Variants in NUP93 observed in about 807,000 individuals in gnomAD.
NUP93 encodes the protein nuclear pore complex protein Nup93.
NUP93 carries 55 observed loss-of-function variants against 107.8 expected under a neutral mutation model. That is an observed-to-expected ratio of 0.51 (90% CI 0.41 to 0.64). NUP93 has a LOEUF of 0.64. Among genes scored for constraint, NUP93 ranks in the 30% least tolerant of loss-of-function variants. The pLI is 0.00. For missense variants in NUP93, 937 were observed against 1,044.7 expected, an observed-to-expected ratio of 0.90 and a Z score of 1.42; for synonymous variants, 390 against 397.5, an observed-to-expected ratio of 0.98 and a Z score of 0.22.
At chr16:56,746,183 GA>G (rs1399430144) in intron 1 of NUP93, among the ~76,000 whole-genome samples, 1 of 152,148 alleles carries the variant, frequency 6.6e-6, no homozygotes, top group Non-Finnish European at 1.5e-5. Flanking sequence ...GGGTTCTGGA[GA>G]AGGGAATGCT....
At chr16:56,793,553 C>G (rs1962816272) in intron 3 of NUP93, among the ~76,000 whole-genome samples, 1 of 152,012 alleles carries the variant, frequency 6.6e-6, no homozygotes, top group East Asian at 1.9e-4. Context: ...GAGTACATCT[C>G]CTGGGTGAGG....
chr16:56,841,980 C>T, intron 21 of NUP93, 147 bp downstream of exon 21: 1 of 905,642 alleles, frequency 1.1e-6, no homozygotes, highest in Non-Finnish European at 1.6e-6. Flanking sequence ...AGGAGGCTCC[C>T]AGAGGAAATC....
intron 12 of NUP93, among the ~76,000 whole-genome samples, chr16:56,832,777 A>G (rs1297002927): frequency 5.9e-5 from 9 of 152,234 alleles, no homozygotes; most frequent in Admixed American, 3.3e-4. Flanking sequence ...AACTGAGAAG[A>G]AAAGAAGATT....
intron 5 of NUP93, among the ~76,000 whole-genome samples, chr16:56,815,881 C>CTGCTGG (rs1555495747): frequency 1.9e-5 from 2 of 103,896 alleles, no homozygotes; most frequent in African/African-American, 6.9e-5. Context: ...GCTGCTGCTG[C>CTGCTGG]TGCTGCTGCT....
intron 2 of NUP93, among the ~76,000 whole-genome samples, chr16:56,752,509 A>G (rs1961941456): frequency 6.6e-6 from 1 of 152,288 alleles, no homozygotes; most frequent in Middle Eastern, 3.4e-3. Context: ...TCATTTGTAT[A>G]AGAAAGCAGG....
At chr16:56,842,400 G>A (rs1964043137) in intron 21 of NUP93, among the ~76,000 whole-genome samples, 1 of 152,106 alleles carries the variant, frequency 6.6e-6, no homozygotes, top group Admixed American at 6.6e-5. Flanking sequence ...TGCCCTTTCT[G>A]CTGCCTGTGG....
rs1456482066 is a variant in NUP93, at chr16:56,836,661, G to A, written c.1843G>A (p.Val615Met). ...GCCTATTATCAACAAAGTTGCTTCT[G>A]TGGCAGAAAATAAAGGACTGTTTGA... is the stretch of plus-strand genomic sequence containing the variant. ...TKPIINKVAS[V>M]AENKGLFEEA... Residue 615 changes from valine (V) to methionine (M), a missense_variant, in exon 17 of 22, where the codon GTG (valine) becomes ATG (methionine). Transcript: ENST00000308159. 1 of 1,614,146 alleles carries A rather than the reference G, an allele frequency of 6.2e-7. No homozygotes were observed. The highest frequency in any genetic ancestry group is 2.2e-5 in the East Asian group (1 of 44,876).
At chr16:56,833,745 C>T (rs1306729028) in intron 13 of NUP93, among the ~76,000 whole-genome samples, 1 of 152,096 alleles carries the variant, frequency 6.6e-6, no homozygotes, top group Non-Finnish European at 1.5e-5. Context: ...TTGGAAACCC[C>T]AGCCAGGCAT....
chr16:56,734,681 A>G, intron 1 of NUP93, among the ~76,000 whole-genome samples: 1 of 152,226 alleles, frequency 6.6e-6, no homozygotes, highest in East Asian at 1.9e-4. Flanking sequence ...AGAGACAAAA[A>G]GTGGGTCTGA....
At chr16:56,840,354 C>T (rs1279184142) in intron 20 of NUP93, among the ~76,000 whole-genome samples, 5 of 152,156 alleles carry the variant, frequency 3.3e-5, no homozygotes, top group African/African-American at 1.2e-4. Context: ...GTGCAGTGAC[C>T]GCGGAGTAAG....
chr16:56,758,697 C>G, intron 3 of NUP93, 42 bp downstream of exon 3: 3 of 1,416,302 alleles, frequency 2.1e-6, no homozygotes, highest in Non-Finnish European at 3.0e-6. Flanking sequence ...AGCATATAAC[C>G]CAGGCTGAAG....
At position 56,836,488 on chromosome 16, in the gene NUP93, C is replaced by A. The variant is rs1963913885; in HGVS notation, c.1783-113C>A. The A allele has an allele frequency of 7.3e-6, 5 of 688,706 alleles. No individual in the cohort carries two copies. The East Asian group carries it at 1.2e-4, about 17-fold the overall frequency. 42.7% of individuals were successfully genotyped at this position (688,706 alleles called of 1,614,324 possible). On this transcript the variant is annotated intron_variant, in intron 16 of 21. Transcript: ENST00000308159. ...GATGAAATATATGCGTTGCCCAGGGCAAGCAATTCCACTTGAAGTATTTTT... is the reference window on the plus strand; with the variant it reads ...GATGAAATATATGCGTTGCCCAGGGAAAGCAATTCCACTTGAAGTATTTTT...
chr16:56,788,660 C>G (rs543240196), intron 3 of NUP93, among the ~76,000 whole-genome samples: 2 of 152,356 alleles, frequency 1.3e-5, no homozygotes, highest in East Asian at 3.9e-4. Flanking sequence ...AAGGGCAGAA[C>G]TGGCTTTGCA....
At chr16:56,803,694 G>A (rs1963070307) in intron 4 of NUP93, among the ~76,000 whole-genome samples, 1 of 151,858 alleles carries the variant, frequency 6.6e-6, no homozygotes, top group South Asian at 2.1e-4. Flanking sequence ...CAAAACCACA[G>A]TGAGATACCA....
chr16:56,836,216 A>G (rs1231580132), intron 16 of NUP93, among the ~76,000 whole-genome samples: 2 of 152,034 alleles, frequency 1.3e-5, no homozygotes, highest in Non-Finnish European at 2.9e-5. Flanking sequence ...TTAGAAAGCA[A>G]ATCCAAAATT....
intron 3 of NUP93, among the ~76,000 whole-genome samples, chr16:56,789,387 C>G (rs1962702368): frequency 1.3e-5 from 2 of 152,222 alleles, no homozygotes. Flanking sequence ...TTAATGGACA[C>G]AAATCCGTCA....
chr16:56,776,377 A>C (rs946567533), intron 3 of NUP93, among the ~76,000 whole-genome samples: 1 of 152,188 alleles, frequency 6.6e-6, no homozygotes, highest in Non-Finnish European at 1.5e-5. Flanking sequence ...TATGTGCAAA[A>C]ACTATATAAA....
Position 56,844,997 on chromosome 16 carries a change from G to A in NUP93, c.*388G>A, listed in dbSNP as rs531156622. 32 of 281,436 alleles carry A rather than the reference G, an allele frequency of 1.1e-4. No individual in the cohort carries two copies. Among genetic ancestry groups the A allele is most frequent in the African/African-American group, 6.2e-4 (29 of 46,628 alleles). 17.4% of individuals were successfully genotyped at this position (281,436 alleles called of 1,614,324 possible). A position where few individuals can be genotyped will look rare whatever the true frequency, so the allele number is the denominator to read the frequency against. On this transcript the variant is annotated 3_prime_UTR_variant, in exon 22 of 22. Transcript: ENST00000308159. Reference sequence around the variant, plus strand: ...TTATTTAGATATAATATTCCATATAGCAGAGTCACGATTCATTTTCACATT... The same window carrying A: ...TTATTTAGATATAATATTCCATATAACAGAGTCACGATTCATTTTCACATT...
chr16:56,839,591 A>G lies in NUP93; in HGVS notation c.2207A>G (p.Asn736Ser). 6.2e-7 allele frequency: 1 copy of G among 1,613,432 alleles called. No homozygotes were observed. Among genetic ancestry groups the G allele is most frequent in the East Asian group, 2.2e-5 (1 of 44,878 alleles). The change falls in exon 20 of 22, where the codon AAT becomes AGT. Residue 736 changes from asparagine to serine, a missense_variant. Coordinates refer to ENST00000308159, the MANE Select transcript of NUP93 (RefSeq NM_014669.5). ...GAAGAGAGAGTGGCTGCCTTCAGAA[A>G]TTTCAGTGATGAAGTAAGTTCCTTC... ...SVEERVAAFR[N>S]FSDEIRHNLS... is the part of the protein sequence containing the mutation.
Sources: allele counts gnomAD v4.1 joint callset (sites outside exome capture counted in the v4.1 genomes callset), GRCh38; gene constraint gnomAD v4.1.1; transcripts MANE v1.5; gene names NCBI Gene and HGNC (gene_info 2026-07-23, HGNC 2026-07-21).